Variants in CMIP observed in about 807,000 individuals in gnomAD.
CMIP encodes C-Maf-inducing protein.
Under a neutral mutation model 97.3 loss-of-function variants are expected in CMIP, and 13 were observed. The ratio of observed to expected loss-of-function variants is 0.13; its 90% CI spans 0.09 to 0.21. The LOEUF is 0.21. Ranked by LOEUF, CMIP falls within the 10% of genes least tolerant of loss-of-function variation. The pLI is 1.00. For missense variants in CMIP, 847 were observed against 1,024.9 expected (o/e 0.83, Z 2.37); for synonymous variants, 538 against 436.3 (o/e 1.23, Z -2.91).
intron 6 of CMIP, 66 bp from the exon 7 acceptor site, chr16:81,664,203 A>T: frequency 6.8e-7 from 1 of 1,467,870 alleles, no homozygotes; most frequent in South Asian, 1.3e-5. Context: ...CAGCCCTGCT[A>T]GCAGCCACGG....
intron 1 of CMIP, among the ~76,000 whole-genome samples, chr16:81,549,093 C>T (rs2090604728): frequency 6.6e-6 from 1 of 152,128 alleles, no homozygotes; most frequent in Non-Finnish European, 1.5e-5. Context: ...TGGCCCAAAG[C>T]CAGATGTGTA....
At chr16:81,654,143 T>C (rs920831931) in intron 4 of CMIP, among the ~76,000 whole-genome samples, 2 of 152,340 alleles carry the variant, frequency 1.3e-5, no homozygotes, top group African/African-American at 2.4e-5. Flanking sequence ...ACGTGCCCCA[T>C]TGCCGGCCTC....
At chr16:81,473,954 G>A (rs1427997534) in intron 1 of CMIP, among the ~76,000 whole-genome samples, 1 of 152,024 alleles carries the variant, frequency 6.6e-6, no homozygotes, top group Non-Finnish European at 1.5e-5. Flanking sequence ...CCACAGGCCT[G>A]GCTCAGCTCT....
intron 13 of CMIP, among the ~76,000 whole-genome samples, chr16:81,694,761 C>G (rs1906509318): frequency 6.6e-6 from 1 of 152,154 alleles, no homozygotes; most frequent in African/African-American, 2.4e-5. Flanking sequence ...AGGGGCTGGT[C>G]TCCAGGCCAC....
chr16:81,619,685 T>A (rs2091967830), intron 2 of CMIP: 1 of 152,134 alleles, frequency 6.6e-6, no homozygotes, highest in Non-Finnish European at 1.5e-5. Context: ...GGTGTTGTGG[T>A]TTACAGCAGG....
intron 1 of CMIP, among the ~76,000 whole-genome samples, chr16:81,594,478 C>T (rs570282942): frequency 6.1e-4 from 92 of 152,018 alleles, no homozygotes; most frequent in African/African-American, 2.1e-3. Context: ...GTTGATTTCA[C>T]CGTACAGCAG....
At chr16:81,521,922 T>C (rs926758971) in intron 1 of CMIP, among the ~76,000 whole-genome samples, 3 of 152,244 alleles carry the variant, frequency 2.0e-5, no homozygotes, top group Non-Finnish European at 4.4e-5. Flanking sequence ...AAGGCCAGTG[T>C]CTGATACAGT....
intron 6 of CMIP, among the ~76,000 whole-genome samples, 193 bp from the exon 7 acceptor site, chr16:81,664,076 C>T (rs566230254): frequency 4.6e-5 from 7 of 152,284 alleles, no homozygotes; most frequent in Admixed American, 4.6e-4. Flanking sequence ...CTACCTTCCT[C>T]TCCGTTCTGC....
At chr16:81,513,401 C>T (rs929168356) in intron 1 of CMIP, among the ~76,000 whole-genome samples, 7 of 152,346 alleles carry the variant, frequency 4.6e-5, no homozygotes, top group East Asian at 1.9e-4. Context: ...GTTCCGGAAA[C>T]GGCTGTTGAG....
chr16:81,550,890 A>G (rs139012786), intron 1 of CMIP, among the ~76,000 whole-genome samples: 318 of 142,788 alleles, frequency 2.2e-3, no homozygotes, highest in African/African-American at 8.0e-3. Context: ...TCCATCACAC[A>G]CACCCCAGTT....
At chr16:81,575,430 A>T (rs992221175) in intron 1 of CMIP, among the ~76,000 whole-genome samples, 3 of 152,182 alleles carry the variant, frequency 2.0e-5, no homozygotes. Context: ...AGCAGGGGTG[A>T]CACATGGCTA....
At chr16:81,617,523 G>T (rs546948685) in intron 2 of CMIP, 1 of 152,480 alleles carries the variant, frequency 6.6e-6, no homozygotes, top group South Asian at 2.1e-4. Flanking sequence ...TCATGAGCCA[G>T]GGAGACCCCA....
chr16:81,595,686 GC>G (rs1484094801), intron 1 of CMIP, among the ~76,000 whole-genome samples: 2 of 152,140 alleles, frequency 1.3e-5, no homozygotes, highest in African/African-American at 2.4e-5. Context: ...ACCACGCCTA[GC>G]CCGCATAATA....
At chr16:81,645,781 G>A in intron 3 of CMIP, 1 of 652,132 alleles carries the variant, frequency 1.5e-6, no homozygotes, top group Admixed American at 2.6e-5. Flanking sequence ...TACAGAACTT[G>A]GTAGGTGAAA....
chr16:81,589,885 G>A (rs1213966400), intron 1 of CMIP, among the ~76,000 whole-genome samples: 3 of 152,206 alleles, frequency 2.0e-5, no homozygotes, highest in Non-Finnish European at 2.9e-5. Flanking sequence ...ACGACAAAGT[G>A]TACCTCAATG....
In CMIP at chr16:81,481,219, C is replaced by T. The variant is rs574712000; in HGVS notation, c.300+35678C>T. Among the ~76,000 whole-genome samples, 185 of 152,328 alleles carry T rather than the reference C, an allele frequency of 1.2e-3. 1 individual carries two copies. The highest frequency in any genetic ancestry group is 4.3e-3 in the African/African-American group (179 of 41,566). Reference sequence around the variant, plus strand: ...TAGGAATATGCGGTGATGAGACAGGCACAGTCTCCATTATCCTCATGGTCT... The same window carrying T: ...TAGGAATATGCGGTGATGAGACAGGTACAGTCTCCATTATCCTCATGGTCT... On this transcript the variant is annotated intron_variant, in intron 1 of 20. Coordinates refer to ENST00000537098, the MANE Select transcript of CMIP (RefSeq NM_198390.3).
At chr16:81,629,663 A>G (rs1356593029) in intron 3 of CMIP, among the ~76,000 whole-genome samples, 1 of 152,230 alleles carries the variant, frequency 6.6e-6, no homozygotes, top group Non-Finnish European at 1.5e-5. Flanking sequence ...ATCTTCACGC[A>G]GCCATTTTAG....
chr16:81,484,064 A>T (rs1300131535), intron 1 of CMIP, among the ~76,000 whole-genome samples: 1 of 151,990 alleles, frequency 6.6e-6, no homozygotes, highest in Non-Finnish European at 1.5e-5. Flanking sequence ...TTTCTGCGAG[A>T]TGTGAGATTC....
At chr16:81,494,380 T>C (rs2089453785) in intron 1 of CMIP, among the ~76,000 whole-genome samples, 1 of 152,178 alleles carries the variant, frequency 6.6e-6, no homozygotes, top group Admixed American at 6.5e-5. Flanking sequence ...CTGGCCTTTA[T>C]TGACGCAGAG....
Sources: allele counts gnomAD v4.1 joint callset (sites outside exome capture counted in the v4.1 genomes callset), GRCh38; gene constraint gnomAD v4.1.1; transcripts MANE v1.5; gene names NCBI Gene and HGNC (gene_info 2026-07-23, HGNC 2026-07-21).